CENPA: variants seen among roughly 807,000 people sequenced by gnomAD.
CENPA encodes the protein centromere protein A.
A neutral mutation model predicts 17.2 loss-of-function variants in CENPA; 7 were observed. The observed-to-expected ratio is 0.41, with a 90% CI of 0.23 to 0.76. The LOEUF (loss-of-function observed/expected upper bound fraction) is 0.76, where lower values mean the gene tolerates loss of function less well. CENPA is among the 30% of genes least tolerant of loss of function. The pLI is 0.34. For missense variants in CENPA, 149 were observed against 193.1 expected (o/e 0.77, Z 1.35); for synonymous variants, 82 against 77.4 (o/e 1.06, Z -0.31).
intron 1 of CENPA, among the ~76,000 whole-genome samples, chr2:26,791,426 C>T (rs1477967901): frequency 1.3e-5 from 2 of 152,148 alleles, no homozygotes; most frequent in Admixed American, 1.3e-4. Context: ...TTGATTCCTA[C>T]TTTTGGGAAT....
At chr2:26,788,897 A>C (rs902140015) in intron 1 of CENPA, among the ~76,000 whole-genome samples, 2 of 152,168 alleles carry the variant, frequency 1.3e-5, no homozygotes, top group African/African-American at 4.8e-5. Context: ...CTGGTCTCCA[A>C]CTGCCAACCT....
chr2:26,791,621 A>G (rs1664615969), intron 1 of CENPA, among the ~76,000 whole-genome samples: 1 of 152,166 alleles, frequency 6.6e-6, no homozygotes, highest in African/African-American at 2.4e-5. Flanking sequence ...GATGATCAAG[A>G]CAAGGGAATT....
chr2:26,793,583 C>A (rs1664660460), intron 4 of CENPA, among the ~76,000 whole-genome samples: 1 of 152,188 alleles, frequency 6.6e-6, no homozygotes, highest in Admixed American at 6.5e-5. Context: ...AAGACAGGGT[C>A]TCTGTCATCA....
intron 1 of CENPA, among the ~76,000 whole-genome samples, chr2:26,786,543 T>TACCCAGC (rs1664511374): frequency 6.6e-6 from 1 of 152,134 alleles, no homozygotes; most frequent in Non-Finnish European, 1.5e-5. Flanking sequence ...GACTAGTGGT[T>TACCCAGC]ACCCAGCGCC....
chr2:26,792,384 T>C (rs1354283991), intron 2 of CENPA, 144 bp downstream of exon 2: 2 of 697,148 alleles, frequency 2.9e-6, no homozygotes, highest in African/African-American at 3.6e-5. Flanking sequence ...TCTGAAAACA[T>C]GAGCCCTCCA....
chr2:26,792,591 C>T (rs770353082), intron 2 of CENPA, 165 bp from the exon 3 acceptor site: 39 of 733,824 alleles, frequency 5.3e-5, no homozygotes, highest in South Asian at 4.2e-4. Flanking sequence ...AGTTCCTAAG[C>T]TCCCAGGAGT....
chr2:26,792,070 G>T, intron 1 of CENPA, 61 bp from the exon 2 acceptor site: 2 of 1,418,686 alleles, frequency 1.4e-6, no homozygotes, highest in South Asian at 2.4e-5. Flanking sequence ...CAGCTTACCT[G>T]ACTCAGCCAA....
intron 1 of CENPA, among the ~76,000 whole-genome samples, chr2:26,790,499 G>A (rs1664595519): frequency 6.6e-6 from 1 of 152,104 alleles, no homozygotes; most frequent in African/African-American, 2.4e-5. Flanking sequence ...GCTAATTTTT[G>A]TATTTTTAGT....
chr2:26,786,115 C>T lies in CENPA; in HGVS notation c.-82C>T. On this transcript the variant is annotated 5_prime_UTR_variant, in exon 1 of 5. Transcript: ENST00000335756. Reference sequence around the variant, plus strand: ...GCGGCACAGCGTTCTCTGGGCTCCCCAGAAGCCAGCCTTTCGCTCCCGGAC... The same window carrying T: ...GCGGCACAGCGTTCTCTGGGCTCCCTAGAAGCCAGCCTTTCGCTCCCGGAC... 2 of 1,339,854 alleles carry T rather than the reference C, an allele frequency of 1.5e-6. No homozygotes were observed. The highest frequency in any genetic ancestry group is 1.8e-5 in the South Asian group (1 of 55,556). The allele number at this position is 1,339,854 out of a possible 1,614,324, so 83.0% of individuals were successfully genotyped here.
At chr2:26,792,062 G>C (rs887731908) in intron 1 of CENPA, 69 bp from the exon 2 acceptor site, 2 of 1,315,420 alleles carry the variant, frequency 1.5e-6, no homozygotes, top group Non-Finnish European at 2.2e-6. Context: ...CAATTTGACA[G>C]CTTACCTGAC....
At position 26,792,842 on chromosome 2, in the gene CENPA, G is replaced by T. The variant is rs747069278; in HGVS notation, c.288+9G>T. The T allele has an allele frequency of 5.6e-6, 9 of 1,613,180 alleles. No homozygotes were observed. The East Asian group carries it at 1.8e-4, about 32-fold the overall frequency. On this transcript the variant is annotated intron_variant, in intron 3 of 4. Coordinates refer to ENST00000335756, the MANE Select transcript of CENPA (RefSeq NM_001809.4). ...TATTGGCCCTACAAGAGGTAAGAAG[G>T]CACCAAGGCACAATTGGGTGAGGGC... is the stretch of plus-strand genomic sequence containing the variant.
chr2:26,788,888 TGGTCTC>T (rs1252876692), intron 1 of CENPA, among the ~76,000 whole-genome samples: 1 of 152,204 alleles, frequency 6.6e-6, no homozygotes, highest in Non-Finnish European at 1.5e-5. Flanking sequence ...TTGGTCAGGC[TGGTCTC>T]CAACTGCCAA....
chr2:26,792,169 T>G lies in CENPA; in HGVS notation c.139T>G (p.Trp47Gly). 1 of 1,614,090 alleles carries G rather than the reference T, an allele frequency of 6.2e-7. No homozygotes were observed. Residue 47 changes from tryptophan (W) to glycine (G), a missense_variant, in exon 2 of 5, where the codon TGG (tryptophan) becomes GGG (glycine). Transcript: ENST00000335756. ...SHQHSRRRQGWLKEIRKLQKS... is the reference protein window; with the variant it reads ...SHQHSRRRQGGLKEIRKLQKS... ...TCAACACAGTCGGCGGAGACAAGGT[T>G]GGCTAAAGGAGATCCGAAAGCTTCA...
In CENPA at chr2:26,786,120, G is replaced by A. The variant is rs1664503387; in HGVS notation, c.-77G>A. The stretch of plus-strand genomic sequence containing the variant: ...ACAGCGTTCTCTGGGCTCCCCAGAA[G>A]CCAGCCTTTCGCTCCCGGACCCGGC... On this transcript the variant is annotated 5_prime_UTR_variant, in exon 1 of 5. Transcript: ENST00000335756. 1 of 1,343,032 alleles carries A rather than the reference G, an allele frequency of 7.4e-7. No homozygotes were observed. Among genetic ancestry groups the A allele is most frequent in the Non-Finnish European group, 9.5e-7 (1 of 1,051,428 alleles). The allele number at this position is 1,343,032 out of a possible 1,614,324, so 83.2% of individuals were successfully genotyped here.
chr2:26,792,034 C>G (rs886166901), intron 1 of CENPA, 97 bp from the exon 2 acceptor site: 1 of 965,188 alleles, frequency 1.0e-6, no homozygotes, highest in South Asian at 1.4e-5. Flanking sequence ...GGAGGGTAGG[C>G]ACATAGATAT....
chr2:26,790,091 G>A (rs1664588062), intron 1 of CENPA, among the ~76,000 whole-genome samples: 1 of 152,060 alleles, frequency 6.6e-6, no homozygotes, highest in African/African-American at 2.4e-5. Flanking sequence ...CTTGGGTCAT[G>A]GATTTCATAT....
chr2:26,786,073 C>G lies in CENPA; in HGVS notation c.-124C>G. On this transcript the variant is annotated 5_prime_UTR_variant, in exon 1 of 5. Coordinates refer to ENST00000335756, the MANE Select transcript of CENPA (RefSeq NM_001809.4). ...AGCGGCGCGGACTTCTGCCAAGCAC[C>G]GGCTCATGTGAGGCTCGCGGCACAG... is the stretch of plus-strand genomic sequence containing the variant. 5 of 1,252,468 alleles carry G rather than the reference C, an allele frequency of 4.0e-6. No individual in the cohort carries two copies. Among genetic ancestry groups the G allele is most frequent in the Non-Finnish European group, 5.0e-6 (5 of 991,202 alleles). 77.6% of individuals were successfully genotyped at this position (1,252,468 alleles called of 1,614,324 possible). A position where few individuals can be genotyped will look rare whatever the true frequency, so the allele number is the denominator to read the frequency against.
At chr2:26,788,864 G>A (rs916505424) in intron 1 of CENPA, among the ~76,000 whole-genome samples, 12 of 152,052 alleles carry the variant, frequency 7.9e-5, no homozygotes, top group African/African-American at 2.9e-4. Context: ...TAGTAGAGAC[G>A]GGGTTTCACC....
intron 1 of CENPA, among the ~76,000 whole-genome samples, chr2:26,791,630 T>C (rs1447991841): frequency 3.9e-5 from 6 of 152,090 alleles, no homozygotes; most frequent in Admixed American, 2.6e-4. Context: ...GACAAGGGAA[T>C]TGTACTAGTC....
Sources: allele counts gnomAD v4.1 joint callset (sites outside exome capture counted in the v4.1 genomes callset), GRCh38; gene constraint gnomAD v4.1.1; transcripts MANE v1.5; gene names NCBI Gene and HGNC (gene_info 2026-07-23, HGNC 2026-07-21).